Variants in TMEM117 observed in about 807,000 individuals in gnomAD.
The protein encoded by TMEM117 is transmembrane protein 117.
Under a neutral mutation model 52.4 loss-of-function variants are expected in TMEM117, and 27 were observed. The ratio of observed to expected loss-of-function variants is 0.51; its 90% CI spans 0.38 to 0.71. The LOEUF is 0.71. Ranked by LOEUF, TMEM117 falls within the 30% of genes least tolerant of loss-of-function variation. The probability of loss-of-function intolerance (pLI) is 0.00; values close to 1 mark genes in which losing one functional copy is unlikely to be tolerated. For missense variants in TMEM117, 556 were observed against 630.5 expected (o/e 0.88, Z 1.26); for synonymous variants, 215 against 206.3 (o/e 1.04, Z -0.36).
chr12:44,080,488 G>A (rs1301687741), intron 3 of TMEM117, among the ~76,000 whole-genome samples: 5 of 152,106 alleles, frequency 3.3e-5, no homozygotes, highest in African/African-American at 1.2e-4. Context: ...TTCAAGATGA[G>A]ATTTGGGTGG....
intron 3 of TMEM117, among the ~76,000 whole-genome samples, chr12:43,993,987 G>A (rs143860185): frequency 6.4e-4 from 98 of 152,200 alleles, no homozygotes; most frequent in African/African-American, 2.2e-3. Context: ...GAGCAACTGT[G>A]TCTGGACAAG....
intron 3 of TMEM117, among the ~76,000 whole-genome samples, chr12:43,953,491 A>T (rs1945257904): frequency 6.6e-6 from 1 of 152,160 alleles, no homozygotes; most frequent in Non-Finnish European, 1.5e-5. Flanking sequence ...AAATAGCAGG[A>T]GTTGCAATCC....
upstream of TMEM117, among the ~76,000 whole-genome samples, chr12:43,835,128 C>T (rs539157935): frequency 2.1e-4 from 32 of 152,250 alleles, no homozygotes; most frequent in African/African-American, 7.7e-4. Context: ...CAGCTGTTAA[C>T]ACGTTTTCAG....
Position 44,338,524 on chromosome 12 carries a change from A to G in TMEM117, c.769-38071A>G, listed in dbSNP as rs914870158. On this transcript the variant is annotated intron_variant, in intron 6 of 7. Transcript: ENST00000266534. The stretch of plus-strand genomic sequence containing the variant: ...ATGGTGGAAAATAGGCCTGAAAGTA[A>G]CATGTGTAAAACATTTTAAAAATAG... Among the ~76,000 whole-genome samples the G allele has an allele frequency of 2.0e-5, 3 of 152,120 alleles. No individual in the cohort carries two copies. In the South Asian group the frequency reaches 6.2e-4, roughly 32 times the overall value.
the TMEM117 span, among the ~76,000 whole-genome samples, chr12:43,811,116 G>A: frequency 0.039 from 5,975 of 152,290 alleles, 142 homozygotes; most frequent in African/African-American, 0.047. Context: ...ATGTGGCAAG[G>A]TGCTTAGCTA....
intron 3 of TMEM117, among the ~76,000 whole-genome samples, chr12:44,100,571 T>TA (rs1339334699): frequency 1.3e-5 from 2 of 152,078 alleles, no homozygotes; most frequent in African/African-American, 4.8e-5. Context: ...TGCTTGATGA[T>TA]ACTTTGCTCA....
At chr12:43,905,394 A>T (rs1321676701) in intron 2 of TMEM117, among the ~76,000 whole-genome samples, 1 of 152,186 alleles carries the variant, frequency 6.6e-6, no homozygotes, top group Non-Finnish European at 1.5e-5. Context: ...GACAATCTTG[A>T]TGGGGAGTGG....
chr12:44,277,761 C>CTTTTTTTTT (rs35687259), intron 5 of TMEM117, among the ~76,000 whole-genome samples: 2 of 95,522 alleles, frequency 2.1e-5, no homozygotes, highest in Non-Finnish European at 3.8e-5. Context: ...AAACTCTGAG[C>CTTTTTTTTT]TTTTTTTTTT....
chr12:43,985,090 A>G (rs1565781057), intron 3 of TMEM117, among the ~76,000 whole-genome samples: 1 of 152,312 alleles, frequency 6.6e-6, no homozygotes, highest in Non-Finnish European at 1.5e-5. Flanking sequence ...TGGGAGGGAA[A>G]TGTCCATAAG....
At chr12:44,269,459 G>A (rs982291984) in intron 5 of TMEM117, among the ~76,000 whole-genome samples, 1 of 151,336 alleles carries the variant, frequency 6.6e-6, no homozygotes, top group African/African-American at 2.4e-5. Context: ...ACCCTCTACT[G>A]CCCCTCCCAG....
chr12:44,249,391 A>G (rs1037267499), intron 5 of TMEM117, among the ~76,000 whole-genome samples: 5 of 152,214 alleles, frequency 3.3e-5, no homozygotes, highest in Non-Finnish European at 7.3e-5. Context: ...GGAAGAATCA[A>G]TATCATGAAA....
intron 3 of TMEM117, among the ~76,000 whole-genome samples, chr12:43,968,976 A>G (rs1231595258): frequency 5.9e-5 from 9 of 152,146 alleles, no homozygotes; most frequent in African/African-American, 1.9e-4. Context: ...ATGAGTTTGA[A>G]TTTTACTTTG....
At chr12:44,320,412 A>G (rs1195870217) in intron 6 of TMEM117, among the ~76,000 whole-genome samples, 1 of 152,134 alleles carries the variant, frequency 6.6e-6, no homozygotes, top group Non-Finnish European at 1.5e-5. Flanking sequence ...CCAAAATCTT[A>G]TCTTCAAAAT....
chr12:44,252,726 A>G (rs1950210388), intron 5 of TMEM117, among the ~76,000 whole-genome samples: 1 of 152,048 alleles, frequency 6.6e-6, no homozygotes, highest in African/African-American at 2.4e-5. Flanking sequence ...CAGTTACATA[A>G]CCTGGAGCAC....
chr12:44,218,230 C>A (rs59963240), intron 5 of TMEM117, among the ~76,000 whole-genome samples: 14,654 of 148,208 alleles, frequency 0.099, 845 homozygotes, highest in Middle Eastern at 0.17. Flanking sequence ...TCAAAAAAAA[C>A]AAAAAACAAA....
At chr12:44,134,127 A>G (rs1948454964) in intron 3 of TMEM117, among the ~76,000 whole-genome samples, 1 of 152,180 alleles carries the variant, frequency 6.6e-6, no homozygotes, top group African/African-American at 2.4e-5. Context: ...CAGTCCACAG[A>G]TATTCCCTCA....
intron 3 of TMEM117, among the ~76,000 whole-genome samples, chr12:44,025,901 GCCCCCCCCA>G (rs1946526076): frequency 1.3e-5 from 2 of 150,458 alleles, no homozygotes; most frequent in Non-Finnish European, 3.0e-5. Flanking sequence ...TTACCTATCC[GCCCCCCCCA>G]CCCATAGAGG....
chr12:44,241,147 C>A (rs1950056660), intron 5 of TMEM117, among the ~76,000 whole-genome samples: 1 of 151,864 alleles, frequency 6.6e-6, no homozygotes, highest in Non-Finnish European at 1.5e-5. Flanking sequence ...ACATCTAATA[C>A]AATGTAAAAC....
chr12:44,370,531 C>T (rs1405321881), intron 6 of TMEM117, among the ~76,000 whole-genome samples: 47 of 116,858 alleles, frequency 4.0e-4, no homozygotes, highest in African/African-American at 1.6e-3. Context: ...TTTTTTGAGA[C>T]GGAGTCTCAC....
Sources: allele counts gnomAD v4.1 joint callset (sites outside exome capture counted in the v4.1 genomes callset), GRCh38; gene constraint gnomAD v4.1.1; transcripts MANE v1.5; gene names NCBI Gene and HGNC (gene_info 2026-07-23, HGNC 2026-07-21).